The following MYO18B variants were observed in gnomAD, a reference collection of about 807,000 sequenced individuals.
MYO18B encodes unconventional myosin-XVIIIb.
A neutral mutation model predicts 273.0 loss-of-function variants in MYO18B; 204 were observed. The ratio of observed to expected loss-of-function variants is 0.75; its 90% CI spans 0.67 to 0.84. The LOEUF (loss-of-function observed/expected upper bound fraction) is 0.84, where lower values mean the gene tolerates loss of function less well. MYO18B is among the 40% of genes least tolerant of loss of function. MYO18B has a pLI of 0.00. For synonymous variants in MYO18B, 1,330 were observed against 1,305.7 expected (o/e 1.02, Z -0.40); for missense variants, 3,212 against 3,287.6 (o/e 0.98, Z 0.56).
chr22:25,868,415 G>T (rs762971928), intron 22 of MYO18B, 30 bp downstream of exon 22: 56 of 1,559,074 alleles, frequency 3.6e-5, no homozygotes, highest in Non-Finnish European at 4.8e-5. Flanking sequence ...TACAACATTC[G>T]CCCATCACAT....
At chr22:25,909,375 G>A (rs1181129513) in intron 32 of MYO18B, among the ~76,000 whole-genome samples, 1 of 152,142 alleles carries the variant, frequency 6.6e-6, no homozygotes, top group East Asian at 1.9e-4. Flanking sequence ...TTCAAGATGG[G>A]TTTTAGCTTT....
At chr22:25,776,423 C>T (rs1158875169) in intron 7 of MYO18B, among the ~76,000 whole-genome samples, 1 of 152,134 alleles carries the variant, frequency 6.6e-6, no homozygotes, top group Non-Finnish European at 1.5e-5. Context: ...CATGGTGAAA[C>T]CCCATTTCTA....
At chr22:26,009,004 G>A (rs1193313274) in intron 42 of MYO18B, among the ~76,000 whole-genome samples, 4 of 152,160 alleles carry the variant, frequency 2.6e-5, no homozygotes, top group African/African-American at 9.7e-5. Context: ...ATGCTGACAG[G>A]CATGACGACC....
In MYO18B at chr22:25,911,352, A is replaced by G. The variant is rs557295573; in HGVS notation, c.5364+302A>G. On this transcript the variant is annotated intron_variant, in intron 33 of 43. Coordinates refer to ENST00000335473, the MANE Select transcript of MYO18B (RefSeq NM_032608.7). ...CCTTCCTTTAAGGGGATGTATGTGAATGGCCACTGCACACATGACTGCCCT... is the reference window on the plus strand; with the variant it reads ...CCTTCCTTTAAGGGGATGTATGTGAGTGGCCACTGCACACATGACTGCCCT... 2.9e-3 allele frequency among the ~76,000 whole-genome samples: 445 copies of G among 152,324 alleles called. 1 individual carries two copies. Among genetic ancestry groups the G allele is most frequent in the Non-Finnish European group, 4.8e-3 (328 of 68,028 alleles).
chr22:26,017,060 CCTTCCTTCCTT>C (rs1935399301), intron 42 of MYO18B, among the ~76,000 whole-genome samples: 1 of 91,156 alleles, frequency 1.1e-5, no homozygotes, highest in African/African-American at 3.8e-5. Flanking sequence ...TTCCTTCCTT[CCTTCCTTCCTT>C]CCTCTCTGTG....
chr22:25,770,151 G>A lies in MYO18B; in HGVS notation c.1554G>A (p.Leu518=), dbSNP rs372002145. 18 of 1,613,852 alleles carry A rather than the reference G, an allele frequency of 1.1e-5. No homozygotes were observed. Among genetic ancestry groups the A allele is most frequent in the Admixed American group, 1.7e-5 (1 of 60,004 alleles). The change falls in exon 5 of 44, where the codon CTG becomes CTA. Residue 518 remains leucine (L), a synonymous_variant. Coordinates refer to ENST00000335473, the MANE Select transcript of MYO18B (RefSeq NM_032608.7). Reference sequence around the variant, plus strand: ...GGTATGAGGCAGAGAAAGTCTGGCTGGCTCAGAAGGATGGATTTACTCTTG... The same window carrying A: ...GGTATGAGGCAGAGAAAGTCTGGCTAGCTCAGAAGGATGGATTTACTCTTG... The part of the protein sequence containing the change: ...DRWYEAEKVW[L]AQKDGFTLAT...
At chr22:25,861,379 A>C (rs1443474939) in intron 21 of MYO18B, among the ~76,000 whole-genome samples, 1 of 152,184 alleles carries the variant, frequency 6.6e-6, no homozygotes, top group Non-Finnish European at 1.5e-5. Context: ...CTTTGTTGCT[A>C]TAAAATGTCT....
chr22:25,935,282 C>T (rs977775119), intron 34 of MYO18B, among the ~76,000 whole-genome samples: 8 of 152,202 alleles, frequency 5.3e-5, no homozygotes, highest in Non-Finnish European at 1.0e-4. Flanking sequence ...GGAGGGGGGT[C>T]TCCCTGCTAC....
intron 29 of MYO18B, chr22:25,899,177 G>A (rs2091878729): frequency 2.0e-5 from 3 of 152,256 alleles, no homozygotes; most frequent in Non-Finnish European, 4.4e-5. Context: ...GTTACAGTGA[G>A]GCGATGGTGG....
intron 39 of MYO18B, among the ~76,000 whole-genome samples, chr22:25,960,203 G>A (rs1226515664): frequency 6.6e-6 from 1 of 152,172 alleles, no homozygotes; most frequent in Admixed American, 6.5e-5. Context: ...GACTCCAGGA[G>A]CCATTATGGA....
intron 33 of MYO18B, among the ~76,000 whole-genome samples, chr22:25,914,897 C>G (rs985282894): frequency 6.6e-6 from 1 of 151,458 alleles, no homozygotes; most frequent in Non-Finnish European, 1.5e-5. Context: ...TGGGGTTTCA[C>G]TGTGTTAGCC....
intron 39 of MYO18B, among the ~76,000 whole-genome samples, chr22:25,982,799 A>G (rs2093163039): frequency 6.6e-6 from 1 of 152,214 alleles, no homozygotes; most frequent in Non-Finnish European, 1.5e-5. Flanking sequence ...TCATATCTGC[A>G]AGATGCCTTT....
the MYO18B span, among the ~76,000 whole-genome samples, chr22:26,051,613 C>T: frequency 0.018 from 2,728 of 152,146 alleles, 84 homozygotes; most frequent in African/African-American, 0.061. Flanking sequence ...GTAAGACTTG[C>T]CTGTGAAAAA....
intron 17 of MYO18B, among the ~76,000 whole-genome samples, chr22:25,838,763 C>T (rs1262064532): frequency 1.3e-5 from 2 of 152,140 alleles, no homozygotes; most frequent in Non-Finnish European, 2.9e-5. Context: ...AGGACCGAAT[C>T]ACCTAACGAT....
intron 39 of MYO18B, among the ~76,000 whole-genome samples, chr22:25,989,519 A>G (rs768592179): frequency 6.6e-6 from 1 of 151,046 alleles, no homozygotes; most frequent in Non-Finnish European, 1.5e-5. Flanking sequence ...GTGGTGGCTC[A>G]CGCCTGTACT....
intron 39 of MYO18B, among the ~76,000 whole-genome samples, chr22:25,961,988 C>G (rs1288805414): frequency 6.6e-6 from 1 of 152,184 alleles, no homozygotes; most frequent in African/African-American, 2.4e-5. Flanking sequence ...CCCTTTGTGT[C>G]ATGAGTGGAA....
chr22:25,745,614 C>A (rs774921615), intron 1 of MYO18B, among the ~76,000 whole-genome samples: 2 of 152,096 alleles, frequency 1.3e-5, no homozygotes, highest in Non-Finnish European at 2.9e-5. Context: ...CTATCTGCTT[C>A]TTTTTTACTG....
intron 27 of MYO18B, among the ~76,000 whole-genome samples, chr22:25,893,155 T>C (rs2091707011): frequency 6.6e-6 from 1 of 152,254 alleles, no homozygotes; most frequent in Admixed American, 6.5e-5. Context: ...ATTTTAATCA[T>C]ATCATCGCAG....
At chr22:26,044,330 G>T in the MYO18B span, among the ~76,000 whole-genome samples, 4 of 152,066 alleles carry the variant, frequency 2.6e-5, no homozygotes, top group Non-Finnish European at 2.9e-5. Flanking sequence ...TTTATTTTTG[G>T]TAAAGCCGGT....
Sources: gnomAD v4.1 joint callset for allele counts (sites outside exome capture counted in the v4.1 genomes callset) on GRCh38, gnomAD v4.1.1 for gene constraint, MANE v1.5 for transcripts, NCBI Gene and HGNC (gene_info 2026-07-23, HGNC 2026-07-21) for gene names.